TRPS1: variants seen among roughly 807,000 people sequenced by gnomAD.
TRPS1 encodes zinc finger transcription factor Trps1.
In TRPS1, 6 loss-of-function variants were observed where a neutral mutation model predicts 101.2. The observed-to-expected ratio is 0.06, with a 90% CI of 0.03 to 0.12. TRPS1 has a LOEUF of 0.12. Ranked by LOEUF, TRPS1 falls within the 10% of genes least tolerant of loss-of-function variation. The pLI is 1.00. For missense variants in TRPS1, 1,363 were observed against 1,567.0 expected (o/e 0.87, Z 2.20); for synonymous variants, 578 against 589.8 (o/e 0.98, Z 0.29).
In TRPS1 at chr8:115,531,426, G is replaced by A. The variant is rs1816129085; in HGVS notation, c.2700+55575C>T. ...ATTAACTACGGCCCTAACCTGGCAG[G>A]AATCTTTCAGCTCTAGGCCATGAGC... On this transcript the variant is annotated intron_variant, in intron 5 of 6. Transcript: ENST00000395715. Among the ~76,000 whole-genome samples, 3 of 152,164 alleles carry A rather than the reference G, an allele frequency of 2.0e-5. 1 individual carries two copies. The South Asian group carries it at 6.2e-4, about 32-fold the overall frequency.
At chr8:115,451,839 A>G (rs968023146) in intron 5 of TRPS1, among the ~76,000 whole-genome samples, 1 of 152,152 alleles carries the variant, frequency 6.6e-6, no homozygotes, top group African/African-American at 2.4e-5. Flanking sequence ...CGTGCTCAGA[A>G]GTGTTGAAAG....
chr8:115,534,352 C>T (rs1167058318), intron 5 of TRPS1, among the ~76,000 whole-genome samples: 1 of 149,786 alleles, frequency 6.7e-6, no homozygotes, highest in African/African-American at 2.5e-5. Context: ...AAGCTCTAAC[C>T]CCGATACCAT....
At chr8:115,541,788 A>G (rs1816459583) in intron 5 of TRPS1, among the ~76,000 whole-genome samples, 1 of 152,244 alleles carries the variant, frequency 6.6e-6, no homozygotes, top group Non-Finnish European at 1.5e-5. Context: ...TACTTGACAC[A>G]TTTCAGCCAA....
intron 5 of TRPS1, among the ~76,000 whole-genome samples, chr8:115,530,902 G>A (rs1024248648): frequency 6.6e-6 from 1 of 152,066 alleles, no homozygotes; most frequent in African/African-American, 2.4e-5. Flanking sequence ...GACACAGGAA[G>A]GGGAACATCA....
rs985054600 is a variant in TRPS1 at position 115,468,571 on chromosome 8, T to C, written c.2701-50119A>G. Among the ~76,000 whole-genome samples the C allele has an allele frequency of 2.6e-5, 4 of 152,236 alleles. No individual in the cohort carries two copies. In the South Asian group the frequency reaches 8.3e-4, roughly 32 times the overall value. ...TTACAGATACTCTCCAATGAACAAT[T>C]AAAACCCTTGCCAAAGCCAAATGTA... On this transcript the variant is annotated intron_variant, in intron 5 of 6. Transcript: ENST00000395715.
intron 4 of TRPS1, among the ~76,000 whole-genome samples, chr8:115,600,414 A>T (rs1217153840): frequency 6.6e-6 from 1 of 152,170 alleles, no homozygotes; most frequent in Non-Finnish European, 1.5e-5. Context: ...TTCTACAGAC[A>T]AATTTGTGTT....
At chr8:115,571,067 CTA>C (rs1205261997) in intron 5 of TRPS1, among the ~76,000 whole-genome samples, 1 of 152,150 alleles carries the variant, frequency 6.6e-6, no homozygotes, top group Non-Finnish European at 1.5e-5. Context: ...CTTTCACCCA[CTA>C]TATAGTTAGG....
At chr8:115,459,401 C>T (rs1158947707) in intron 5 of TRPS1, among the ~76,000 whole-genome samples, 2 of 152,028 alleles carry the variant, frequency 1.3e-5, no homozygotes, top group Non-Finnish European at 1.5e-5. Flanking sequence ...GCTTGCAGTG[C>T]ACTATCTTAC....
chr8:115,445,544 G>A (rs908734894), intron 5 of TRPS1, among the ~76,000 whole-genome samples: 8 of 152,104 alleles, frequency 5.3e-5, no homozygotes, highest in Non-Finnish European at 1.2e-4. Context: ...AGTCAATGAG[G>A]TAAAACAAGT....
intron 5 of TRPS1, among the ~76,000 whole-genome samples, chr8:115,535,082 A>C (rs62513005): frequency 4.7e-5 from 7 of 148,314 alleles, no homozygotes; most frequent in East Asian, 2.0e-4. Context: ...GCATATATAT[A>C]GCATATATAT....
Position 115,414,269 on chromosome 8 carries a change from T to C in TRPS1, c.3639A>G (p.Val1213=), listed in dbSNP as rs1235998760. Residue 1213 remains valine (V), a synonymous_variant, in exon 7 of 7, where the codon GTA becomes GTG. Transcript: ENST00000395715. This position sits in a 1 kb window ranked among gnomAD's most constrained non-coding sequence, Gnocchi z 4.8. ...TACTTCTATCAACTTTCTCTGTTTT[T>C]ACTACATTCAAGGGACCTTCATTTT... ...NVKNEGPLNV[V]KTEKVDRSTQ... is the part of the protein sequence containing the mutation. 1.9e-6 allele frequency: 3 copies of C among 1,614,018 alleles called. No homozygotes were observed. Among genetic ancestry groups the C allele is most frequent in the Admixed American group, 1.7e-5 (1 of 59,960 alleles).
chr8:115,420,783 A>G (rs963914000), intron 5 of TRPS1, among the ~76,000 whole-genome samples: 2 of 152,216 alleles, frequency 1.3e-5, no homozygotes, highest in African/African-American at 4.8e-5. Context: ...TAGGTAAACC[A>G]TATCACATTT....
intron 5 of TRPS1, among the ~76,000 whole-genome samples, chr8:115,541,386 G>T (rs1307059759): frequency 2.6e-5 from 4 of 152,092 alleles, no homozygotes; most frequent in Admixed American, 2.0e-4. Context: ...GAACGATAAA[G>T]AACAGGAAAC....
intron 5 of TRPS1, among the ~76,000 whole-genome samples, chr8:115,554,851 G>A (rs944567966): frequency 2.0e-5 from 3 of 152,240 alleles, no homozygotes; most frequent in African/African-American, 4.8e-5. Context: ...TTTGAAAGGC[G>A]TGCCAGTGTG....
At chr8:115,540,379 C>T (rs1382722360) in intron 5 of TRPS1, among the ~76,000 whole-genome samples, 1 of 152,122 alleles carries the variant, frequency 6.6e-6, no homozygotes, top group Admixed American at 6.6e-5. Context: ...GTGGTTGGTT[C>T]TGTGTGCCTC....
At chr8:115,463,973 G>A (rs1814254639) in intron 5 of TRPS1, among the ~76,000 whole-genome samples, 1 of 151,956 alleles carries the variant, frequency 6.6e-6, no homozygotes, top group African/African-American at 2.4e-5. Context: ...AGCTTAATGT[G>A]AAATATCTCT....
intron 5 of TRPS1, among the ~76,000 whole-genome samples, chr8:115,479,953 T>G (rs1220170719): frequency 6.6e-6 from 1 of 152,096 alleles, no homozygotes; most frequent in Non-Finnish European, 1.5e-5. Flanking sequence ...TAAAATGGTT[T>G]TTTACTTCCC....
chr8:115,446,729 A>G (rs765232292), intron 5 of TRPS1, among the ~76,000 whole-genome samples: 1 of 152,150 alleles, frequency 6.6e-6, no homozygotes, highest in Non-Finnish European at 1.5e-5. Context: ...AACAATCATG[A>G]ACCCAGAAAA....
chr8:115,547,146 T>C (rs1217699436), intron 5 of TRPS1, among the ~76,000 whole-genome samples: 2 of 152,168 alleles, frequency 1.3e-5, no homozygotes, highest in Non-Finnish European at 2.9e-5. Context: ...GATAAAATCA[T>C]AAAAATGCCA....
Sources: allele counts gnomAD v4.1 joint callset (sites outside exome capture counted in the v4.1 genomes callset), GRCh38; gene constraint gnomAD v4.1.1; non-coding constraint Gnocchi (gnomAD v3.1); transcripts MANE v1.5; gene names NCBI Gene and HGNC (gene_info 2026-07-23, HGNC 2026-07-21).